Variants in ZDHHC20 observed in about 807,000 individuals in gnomAD.
ZDHHC20 encodes the protein zDHHC palmitoyltransferase 20, also known as palmitoyltransferase ZDHHC20.
In ZDHHC20, 43 loss-of-function variants were observed where a neutral mutation model predicts 57.8. The ratio of observed to expected loss-of-function variants is 0.74; its 90% CI spans 0.58 to 0.96. The LOEUF (loss-of-function observed/expected upper bound fraction) is 0.96, where lower values mean the gene tolerates loss of function less well. ZDHHC20 is among the 40% of genes least tolerant of loss of function. ZDHHC20 has a pLI of 0.00. For synonymous variants in ZDHHC20, 157 were observed against 153.0 expected (o/e 1.03, Z -0.19); for missense variants, 391 against 441.1 (o/e 0.89, Z 1.02).
intron 11 of ZDHHC20, among the ~76,000 whole-genome samples, chr13:21,381,076 A>G (rs9509671): frequency 0.51 from 77,510 of 151,284 alleles, 20,354 homozygotes; most frequent in Non-Finnish European, 0.58. Flanking sequence ...GCGCGATCTC[A>G]GCTCACTGCA....
In ZDHHC20 at chr13:21,413,717, C is replaced by A; in HGVS notation, c.305G>T (p.Arg102Ile). The change falls in exon 4 of 13, where the codon AGA becomes ATA. Residue 102 changes from arginine (R) to isoleucine (I), a missense_variant. Around this residue, in one of 3 missense-constraint regions of ZDHHC20, gnomAD observed 185 missense variants for 188.0 expected, o/e 0.98. Coordinates refer to ENST00000400590, the MANE Select transcript of ZDHHC20 (RefSeq NM_001330059.2). Reference sequence around the variant, plus strand: ...TGCTCTTCTCAAAATTTCTTGTTGTCTTTCTTGGCTGAATTCTTTTTCATA... The same window carrying A: ...TGCTCTTCTCAAAATTTCTTGTTGTATTTCTTGGCTGAATTCTTTTTCATA... Reference protein sequence around the residue: ...ERYEKEFSQERQQEILRRAAR... With the variant: ...ERYEKEFSQEIQQEILRRAAR... The A allele has an allele frequency of 1.2e-6, 2 of 1,611,718 alleles. No homozygotes were observed. The highest frequency in any genetic ancestry group is 8.5e-7 in the Non-Finnish European group (1 of 1,179,098).
rs748208633 is a variant in ZDHHC20 at position 21,375,334 on chromosome 13, A to G, written c.*1362T>C. The G allele has an allele frequency of 8.2e-6, 3 of 367,234 alleles. No homozygotes were observed. Among genetic ancestry groups the G allele is most frequent in the Non-Finnish European group, 1.6e-5 (3 of 187,284 alleles). The allele number at this position is 367,234 out of a possible 1,614,324, so 22.7% of individuals were successfully genotyped here. A position where few individuals can be genotyped will look rare whatever the true frequency, so the allele number is the denominator to read the frequency against. On this transcript the variant is annotated 3_prime_UTR_variant, in exon 13 of 13. Coordinates refer to ENST00000400590, the MANE Select transcript of ZDHHC20 (RefSeq NM_001330059.2). Reference sequence around the variant, plus strand: ...TCCACCCACTCACTGGAAGCAATCAATTATTTTGGGGGGGGTGTGTGTGTG... The same window carrying G: ...TCCACCCACTCACTGGAAGCAATCAGTTATTTTGGGGGGGGTGTGTGTGTG...
In ZDHHC20 at chr13:21,413,638, A is replaced by AT; in HGVS notation, c.370+13dup. ...AAAAATCATTTGAAAAGGAAAACTT[A>AT]TTCTTTTTCTTACTTTTTGAAGCTG... On this transcript the variant is annotated intron_variant, in intron 4 of 12. Coordinates refer to ENST00000400590, the MANE Select transcript of ZDHHC20 (RefSeq NM_001330059.2). 6.3e-7 allele frequency: 1 copy of AT among 1,575,482 alleles called. No individual in the cohort carries two copies. The highest frequency in any genetic ancestry group is 8.6e-7 in the Non-Finnish European group (1 of 1,167,398).
In ZDHHC20 at chr13:21,441,390, TC is replaced by T. The variant is rs200544475; in HGVS notation, c.119-15713del. Among the ~76,000 whole-genome samples, 50 of 148,840 alleles carry T rather than the reference TC, an allele frequency of 3.4e-4. 1 individual carries two copies. The highest frequency in any genetic ancestry group is 5.2e-4 in the Non-Finnish European group (35 of 67,144). Reference sequence around the variant, plus strand: ...CTCTTCCACTCTATTTTCTTTTCTCTCTTTTTTTTTTTTGAGACGGAGTCTA... The same window carrying T: ...CTCTTCCACTCTATTTTCTTTTCTCTTTTTTTTTTTTTGAGACGGAGTCTA... On this transcript the variant is annotated intron_variant, in intron 1 of 12. Transcript: ENST00000400590.
intron 7 of ZDHHC20, among the ~76,000 whole-genome samples, chr13:21,393,398 G>A (rs1876133666): frequency 6.6e-6 from 1 of 150,930 alleles, no homozygotes; most frequent in African/African-American, 2.4e-5. Flanking sequence ...CTACTTGGGA[G>A]GCTGAGGCAG....
intron 7 of ZDHHC20, among the ~76,000 whole-genome samples, chr13:21,396,257 C>T (rs1876769542): frequency 6.6e-6 from 1 of 152,106 alleles, no homozygotes; most frequent in Non-Finnish European, 1.5e-5. Flanking sequence ...CCTCACCATA[C>T]CTGAATAATA....
intron 5 of ZDHHC20, among the ~76,000 whole-genome samples, chr13:21,402,155 C>G (rs1274723423): frequency 1.3e-5 from 2 of 152,110 alleles, no homozygotes; most frequent in Non-Finnish European, 2.9e-5. Context: ...AAATGCAATA[C>G]AGATGGCCCC....
At chr13:21,399,742 G>A (rs1475825674) in intron 7 of ZDHHC20, among the ~76,000 whole-genome samples, 1 of 151,926 alleles carries the variant, frequency 6.6e-6, no homozygotes, top group Non-Finnish European at 1.5e-5. Context: ...TTATTTTGCT[G>A]TAGAAACGGC....
At position 21,382,970 on chromosome 13, in the gene ZDHHC20, C is replaced by A; in HGVS notation, c.894G>T (p.Gly298=). The A allele has an allele frequency of 1.9e-6, 3 of 1,564,704 alleles. No homozygotes were observed. The highest frequency in any genetic ancestry group is 2.4e-5 in the East Asian group (1 of 42,330). Reference sequence around the variant, plus strand: ...TAACAGAAGCTTGTTCTGGATCCATCCCCACAAGGCGAGTTGGAAAACTGC... The same window carrying A: ...TAACAGAAGCTTGTTCTGGATCCATACCCACAAGGCGAGTTGGAAAACTGC... ...DGCSFPTRLV[G]MDPEQASVTN... The change falls in exon 10 of 13, where the codon GGG becomes GGT. Residue 298 remains glycine (G), a synonymous_variant. Transcript: ENST00000400590.
At chr13:21,419,890 T>C (rs370141872) in intron 3 of ZDHHC20, among the ~76,000 whole-genome samples, 16 of 152,380 alleles carry the variant, frequency 1.1e-4, no homozygotes, top group African/African-American at 3.6e-4. Context: ...ATATGGTCTA[T>C]AATTTTTAAT....
At chr13:21,434,256 GA>G (rs778816781) in intron 1 of ZDHHC20, among the ~76,000 whole-genome samples, 3 of 152,164 alleles carry the variant, frequency 2.0e-5, no homozygotes, top group Non-Finnish European at 4.4e-5. Flanking sequence ...TTTCCATTGA[GA>G]ATTCTGGTTC....
chr13:21,449,546 A>G (rs956988968), intron 1 of ZDHHC20, among the ~76,000 whole-genome samples: 11 of 152,210 alleles, frequency 7.2e-5, no homozygotes, highest in Admixed American at 4.6e-4. Flanking sequence ...TATCTACCAC[A>G]TTCTACTGGC....
chr13:21,458,113 A>C (rs1204524792), intron 1 of ZDHHC20, among the ~76,000 whole-genome samples: 1 of 152,246 alleles, frequency 6.6e-6, no homozygotes, highest in Non-Finnish European at 1.5e-5. Context: ...ATGTTGGAGA[A>C]ATTGCCCAAT....
intron 1 of ZDHHC20, among the ~76,000 whole-genome samples, chr13:21,430,209 G>A (rs1054892698): frequency 2.6e-5 from 4 of 152,118 alleles, no homozygotes; most frequent in Non-Finnish European, 4.4e-5. Context: ...TGCAGGCCTC[G>A]TCTGACTCCG....
intron 7 of ZDHHC20, among the ~76,000 whole-genome samples, chr13:21,392,861 G>A (rs938021744): frequency 1.3e-5 from 2 of 152,192 alleles, no homozygotes; most frequent in Non-Finnish European, 2.9e-5. Flanking sequence ...CATATCAAGT[G>A]AGTCTTCTGA....
chr13:21,404,745 T>C lies in ZDHHC20; in HGVS notation c.371-1879A>G, dbSNP rs1878210040. ...CTCCAACCTGGGTGACAGAGCGAGA[T>C]TCCATCTCAAAAAAAAAAAAAAAGC... On this transcript the variant is annotated intron_variant, in intron 4 of 12. Coordinates refer to ENST00000400590, the MANE Select transcript of ZDHHC20 (RefSeq NM_001330059.2). Among the ~76,000 whole-genome samples the C allele has an allele frequency of 2.7e-5, 4 of 147,806 alleles. No homozygotes were observed. The South Asian group carries it at 8.5e-4, about 31-fold the overall frequency.
intron 4 of ZDHHC20, among the ~76,000 whole-genome samples, chr13:21,407,199 T>C (rs894725688): frequency 1.3e-5 from 2 of 152,170 alleles, no homozygotes; most frequent in Non-Finnish European, 2.9e-5. Context: ...TTTCACCATG[T>C]TGGTCAGGCT....
intron 1 of ZDHHC20, 135 bp downstream of exon 1, chr13:21,458,919 T>A: frequency 1.7e-6 from 1 of 599,524 alleles, no homozygotes; most frequent in East Asian, 3.5e-5. Context: ...CCTCGGCGCT[T>A]CCGAGCGCGT....
chr13:21,434,087 C>T (rs1193847864), intron 1 of ZDHHC20, among the ~76,000 whole-genome samples: 4 of 150,612 alleles, frequency 2.7e-5, no homozygotes, highest in African/African-American at 4.9e-5. Flanking sequence ...TCCTTTCCTA[C>T]GTGTGTGTGT....
Sources: gnomAD v4.1 joint callset for allele counts (sites outside exome capture counted in the v4.1 genomes callset) on GRCh38, gnomAD v4.1.1 for gene constraint, gnomAD v4.1.1 regional missense constraint, MANE v1.5 for transcripts, NCBI Gene and HGNC (gene_info 2026-07-23, HGNC 2026-07-21) for gene names.